CLASRP: variants seen among roughly 807,000 people sequenced by gnomAD.
The protein encoded by CLASRP is CLK4 associating serine/arginine rich protein.
A neutral mutation model predicts 99.9 loss-of-function variants in CLASRP; 52 were observed. That is an observed-to-expected ratio of 0.52 (90% CI 0.42 to 0.66). CLASRP has a LOEUF of 0.66. Ranked by LOEUF, CLASRP falls within the 30% of genes least tolerant of loss-of-function variation. CLASRP has a pLI of 0.00. For missense variants in CLASRP, 848 were observed against 999.2 expected, an observed-to-expected ratio of 0.85 and a Z score of 2.04; for synonymous variants, 379 against 373.0, an observed-to-expected ratio of 1.02 and a Z score of -0.18.
chr19:45,062,154 C>G lies in CLASRP; in HGVS notation c.864C>G (p.Ser288Arg), dbSNP rs1966954339. 1 of 1,528,748 alleles carries G rather than the reference C, an allele frequency of 6.5e-7. No individual in the cohort carries two copies. The allele number at this position is 1,528,748 out of a possible 1,614,324, so 94.7% of individuals were successfully genotyped here. ...TCCCACCCCATTCTTTTCTCTGTAGCTATGCCCGCCGAGACAGCCCCACCT... is the reference window on the plus strand; with the variant it reads ...TCCCACCCCATTCTTTTCTCTGTAGGTATGCCCGCCGAGACAGCCCCACCT... ...RLRGRKISPP[S>R]YARRDSPTYD... The change falls in exon 11 of 21, where the codon AGC (serine) becomes AGG (arginine). Residue 288 changes from serine (S) to arginine (R), a missense_variant and splice_region_variant. Ser to Arg is a moderately radical substitution (Grantham distance 110). Transcript: ENST00000221455.
At position 45,065,388 on chromosome 19, in the gene CLASRP, CAAAAAAA is replaced by C. The variant is rs761472417; in HGVS notation, c.1409+775_1409+781del. Among the ~76,000 whole-genome samples the C allele has an allele frequency of 2.1e-3, 177 of 84,972 alleles. 1 individual carries two copies. The highest frequency in any genetic ancestry group is 2.9e-3 in the Non-Finnish European group (117 of 40,758). The allele number at this position is 84,972 out of a possible 152,430, so 55.7% of individuals were successfully genotyped here. A position where few individuals can be genotyped will look rare whatever the true frequency, so the allele number is the denominator to read the frequency against. On this transcript the variant is annotated intron_variant, in intron 13 of 20. Transcript: ENST00000221455. ...CTGGTGACAGAGTGAGATTCCGTCT[CAAAAAAA>C]AAAAAAAAAAAAAAAATTAGCTGGG... is the stretch of plus-strand genomic sequence containing the variant.
At position 45,067,375 on chromosome 19, in the gene CLASRP, G is replaced by A. The variant is rs768759146; in HGVS notation, c.1448G>A (p.Gly483Asp). ...TCAGGGGACCGCTACAGGCGGGGCGGCCGGGGCCTCAGGCACCACAGCAGT... is the reference window on the plus strand; with the variant it reads ...TCAGGGGACCGCTACAGGCGGGGCGACCGGGGCCTCAGGCACCACAGCAGT... The part of the protein sequence containing the change: ...SHSGDRYRRG[G>D]RGLRHHSSSR... The change falls in exon 14 of 21, where the codon GGC (glycine) becomes GAC (aspartate). Residue 483 changes from glycine to aspartate, a missense_variant. By Grantham distance (94) the Gly-to-Asp change is moderately conservative. Transcript: ENST00000221455. This position sits in a 1 kb window ranked among gnomAD's most constrained non-coding sequence, Gnocchi z 4.9. 185 of 1,529,938 alleles carry A rather than the reference G, an allele frequency of 1.2e-4. No individual in the cohort carries two copies. The highest frequency in any genetic ancestry group is 1.5e-4 in the Non-Finnish European group (172 of 1,143,160). The allele number at this position is 1,529,938 out of a possible 1,614,324, so 94.8% of individuals were successfully genotyped here.
intron 2 of CLASRP, among the ~76,000 whole-genome samples, chr19:45,048,555 A>T (rs1355773780): frequency 1.3e-5 from 2 of 150,718 alleles, no homozygotes; most frequent in Non-Finnish European, 3.0e-5. Flanking sequence ...AATTACTCTT[A>T]AAAAGCAAAT....
At position 45,056,560 on chromosome 19, in the gene CLASRP, G is replaced by A. The variant is rs774884926; in HGVS notation, c.464+26G>A. ...GTGAGTCGGGGTCTGGGGTGCAGGG[G>A]GTTGAGGAGGCAGGAGGGCTGGGAG... On this transcript the variant is annotated intron_variant, in intron 6 of 20. Coordinates refer to ENST00000221455, the MANE Select transcript of CLASRP (RefSeq NM_007056.3). The A allele has an allele frequency of 2.5e-6, 4 of 1,597,860 alleles. No homozygotes were observed. In the Admixed American group the frequency reaches 5.0e-5, roughly 20 times the overall value.
At chr19:45,063,463 TGAGACGGAG>T (rs1966989068) in intron 11 of CLASRP, among the ~76,000 whole-genome samples, 2 of 134,004 alleles carry the variant, frequency 1.5e-5, no homozygotes, top group Non-Finnish European at 3.1e-5. Context: ...TTTTTTTTTT[TGAGACGGAG>T]TCTCACTCTG....
At chr19:45,057,347 G>C (rs181695948) in intron 6 of CLASRP, among the ~76,000 whole-genome samples, 2 of 152,152 alleles carry the variant, frequency 1.3e-5, no homozygotes, top group Non-Finnish European at 2.9e-5. Flanking sequence ...CCTCGTCCAC[G>C]GCCCCAGCCT....
rs1938252854 is a variant in CLASRP, at chr19:45,060,402, G to A, written c.724G>A (p.Asp242Asn). Residue 242 changes from aspartate to asparagine, a missense_variant, in exon 9 of 21, where the codon GAC becomes AAC. Physicochemically the swap from Asp to Asn is conservative, Grantham distance 23. Transcript: ENST00000221455. The surrounding 1 kb of genome is among the most constrained non-coding windows in gnomAD (Gnocchi z 4.6). ...CCACCTCTATAGGATGCTCCGGAAA[G>A]ACAAGGAGGAGGCAGAGGCCATCAA... is the stretch of plus-strand genomic sequence containing the variant. ...DGDFVRMLRK[D>N]KEEAEAIKHA... 1.2e-6 allele frequency: 2 copies of A among 1,614,128 alleles called. No individual in the cohort carries two copies. Among genetic ancestry groups the A allele is most frequent in the Non-Finnish European group, 1.7e-6 (2 of 1,179,990 alleles).
At chr19:45,063,975 A>G (rs1246447265) in intron 11 of CLASRP, 37 bp from the exon 12 acceptor site, 1 of 1,567,472 alleles carries the variant, frequency 6.4e-7, no homozygotes, top group East Asian at 2.3e-5. Flanking sequence ...AGGCTCCGGG[A>G]GCCTGAGCTA....
At chr19:45,045,019 A>G (rs989758080) in intron 2 of CLASRP, among the ~76,000 whole-genome samples, 1 of 152,160 alleles carries the variant, frequency 6.6e-6, no homozygotes, top group African/African-American at 2.4e-5. Flanking sequence ...AACAAGATAG[A>G]TGTTTATTTC....
intron 3 of CLASRP, among the ~76,000 whole-genome samples, 172 bp downstream of exon 3, chr19:45,052,340 T>C (rs532309543): frequency 1.3e-5 from 2 of 152,116 alleles, no homozygotes; most frequent in African/African-American, 4.8e-5. Context: ...GTAAGAACAA[T>C]GAGCAGGGGT....
At chr19:45,062,399 A>T (rs1966960498) in intron 11 of CLASRP, among the ~76,000 whole-genome samples, 1 of 152,020 alleles carries the variant, frequency 6.6e-6, no homozygotes, top group African/African-American at 2.4e-5. Context: ...TTTTTTTGAG[A>T]CGGAGTCTCG....
At chr19:45,064,801 G>A (rs1396846152) in intron 13 of CLASRP, among the ~76,000 whole-genome samples, 171 bp downstream of exon 13, 3 of 152,248 alleles carry the variant, frequency 2.0e-5, no homozygotes, top group African/African-American at 7.2e-5. Flanking sequence ...GTTGGAAAGG[G>A]CAAGGCATGG....
At chr19:45,062,925 TCA>T (rs1966974469) in intron 11 of CLASRP, among the ~76,000 whole-genome samples, 1 of 152,064 alleles carries the variant, frequency 6.6e-6, no homozygotes, top group African/African-American at 2.4e-5. Context: ...GGGACCAAGC[TCA>T]GTCTGATCCC....
intron 2 of CLASRP, among the ~76,000 whole-genome samples, chr19:45,047,086 A>G (rs1222101931): frequency 6.6e-6 from 1 of 152,158 alleles, no homozygotes; most frequent in Non-Finnish European, 1.5e-5. Context: ...TGTTCATTAC[A>G]GCATTATTAG....
At chr19:45,065,809 C>T (rs1420446605) in intron 13 of CLASRP, among the ~76,000 whole-genome samples, 3 of 152,120 alleles carry the variant, frequency 2.0e-5, no homozygotes, top group East Asian at 3.9e-4. Context: ...TAATAGCATC[C>T]GCTTCTCTGA....
rs567673924 is a variant in CLASRP, at chr19:45,060,303, C to T, written c.711-86C>T. ...GGCTGGCGTGGGGTGACTCAGGTCC[C>T]TCACTTTCTCTGATGACTCAGTCTG... On this transcript the variant is annotated intron_variant, in intron 8 of 20. Transcript: ENST00000221455. The surrounding 1 kb of genome is among the most constrained non-coding windows in gnomAD (Gnocchi z 4.6). 4.6e-4 allele frequency: 588 copies of T among 1,272,476 alleles called. 3 individuals are homozygous for T. In the African/African-American group the frequency reaches 7.7e-3, roughly 17 times the overall value. 78.8% of individuals were successfully genotyped at this position (1,272,476 alleles called of 1,614,324 possible). A position where few individuals can be genotyped will look rare whatever the true frequency, so the allele number is the denominator to read the frequency against.
chr19:45,069,033 A>C, intron 16 of CLASRP, 33 bp from the exon 17 acceptor site: 1 of 1,591,558 alleles, frequency 6.3e-7, no homozygotes, highest in South Asian at 1.1e-5. Context: ...TCTTAAGGGA[A>C]CCCCTCAGCC....
Position 45,067,497 on chromosome 19 carries a change from C to CCCA in CLASRP, c.1570_1571insCCA (p.Arg524delinsProSer). Reference sequence around the variant, plus strand: ...CCCCAGCCCCAGCCAGAGCCGCAGCCGCAGCCGCAGCCGCAGCCAGAGCCC... The same window carrying CCCA: ...CCCCAGCCCCAGCCAGAGCCGCAGCCCCAGCAGCCGCAGCCGCAGCCAGAGCCC... On this transcript the variant is annotated protein_altering_variant, in exon 14 of 21. Coordinates refer to ENST00000221455, the MANE Select transcript of CLASRP (RefSeq NM_007056.3). This position sits in a 1 kb window ranked among gnomAD's most constrained non-coding sequence, Gnocchi z 4.9. 1 of 1,582,610 alleles carries CCCA rather than the reference C, an allele frequency of 6.3e-7. No homozygotes were observed. Among genetic ancestry groups the CCCA allele is most frequent in the Non-Finnish European group, 8.6e-7 (1 of 1,169,556 alleles).
intron 15 of CLASRP, 77 bp downstream of exon 15, chr19:45,068,131 A>AG (rs894289401): frequency 3.1e-6 from 4 of 1,307,910 alleles, no homozygotes; most frequent in Non-Finnish European, 4.4e-6. Flanking sequence ...GTGGGCCTGC[A>AG]GGGGGGCCCG....
Sources: allele counts gnomAD v4.1 joint callset (sites outside exome capture counted in the v4.1 genomes callset), GRCh38; gene constraint gnomAD v4.1.1; non-coding constraint Gnocchi (gnomAD v3.1); transcripts MANE v1.5; gene names NCBI Gene and HGNC (gene_info 2026-07-23, HGNC 2026-07-21).